Variants in GPC5 observed in about 807,000 individuals in gnomAD.
GPC5 encodes the protein glypican 5.
GPC5 carries 47 observed loss-of-function variants against 53.9 expected under a neutral mutation model. The observed-to-expected ratio is 0.87, with a 90% CI of 0.69 to 1.11. The LOEUF (loss-of-function observed/expected upper bound fraction) is 1.11, where lower values mean the gene tolerates loss of function less well. GPC5 is among the 50% of genes most tolerant of loss of function. GPC5 has a pLI of 0.00. For missense variants in GPC5, 748 were observed against 713.1 expected (o/e 1.05, Z -0.56); for synonymous variants, 286 against 263.3 (o/e 1.09, Z -0.84).
intron 7 of GPC5, among the ~76,000 whole-genome samples, chr13:92,206,161 T>A (rs1251136939): frequency 2.4e-4 from 10 of 42,540 alleles, no homozygotes; most frequent in East Asian, 7.7e-4. Flanking sequence ...TTTTATTTTT[T>A]TTTTTATTTT....
chr13:92,443,272 C>T (rs1208359522), intron 7 of GPC5, among the ~76,000 whole-genome samples: 1 of 152,194 alleles, frequency 6.6e-6, no homozygotes, highest in Non-Finnish European at 1.5e-5. Context: ...TCCATGAGGG[C>T]TCTGCCTGCA....
At chr13:91,891,619 C>A (rs1002991950) in intron 5 of GPC5, among the ~76,000 whole-genome samples, 2 of 151,986 alleles carry the variant, frequency 1.3e-5, no homozygotes, top group Admixed American at 1.3e-4. Flanking sequence ...TATGTTGTGC[C>A]AAATTGCTAT....
chr13:91,580,756 G>A (rs946012865), intron 2 of GPC5, among the ~76,000 whole-genome samples: 12 of 152,120 alleles, frequency 7.9e-5, no homozygotes, highest in African/African-American at 2.2e-4. Flanking sequence ...GTTGTTCTTC[G>A]AGTCAGAAGC....
chr13:91,714,604 G>A (rs2036295934), intron 3 of GPC5, among the ~76,000 whole-genome samples: 1 of 152,130 alleles, frequency 6.6e-6, no homozygotes, highest in African/African-American at 2.4e-5. Context: ...AAAAGTACAT[G>A]GACATGTGAA....
intron 7 of GPC5, among the ~76,000 whole-genome samples, chr13:92,698,543 C>T (rs1054199224): frequency 5.9e-5 from 9 of 152,160 alleles, no homozygotes; most frequent in African/African-American, 1.9e-4. Context: ...ATATGTGCCA[C>T]ATTTTCTTAA....
intron 7 of GPC5, among the ~76,000 whole-genome samples, chr13:92,632,546 A>G (rs1366553846): frequency 6.6e-6 from 1 of 150,710 alleles, no homozygotes; most frequent in African/African-American, 2.4e-5. Context: ...TGTATAGTTT[A>G]TATATTCCAA....
At chr13:92,715,847 A>G (rs1350552645) in intron 7 of GPC5, among the ~76,000 whole-genome samples, 1 of 152,186 alleles carries the variant, frequency 6.6e-6, no homozygotes, top group East Asian at 1.9e-4. Context: ...TTTTCTGTCT[A>G]TGTCTCCAGT....
At chr13:91,488,093 T>TA in intron 2 of GPC5, among the ~76,000 whole-genome samples, 1 of 152,276 alleles carries the variant, frequency 6.6e-6, no homozygotes, top group Middle Eastern at 3.4e-3. Context: ...CATATATGTA[T>TA]GACCCAGAGG....
rs144153718 is a variant in GPC5 at position 91,497,871 on chromosome 13, T to C, written c.325+48949T>C. 6.1e-4 allele frequency among the ~76,000 whole-genome samples: 93 copies of C among 152,276 alleles called. 1 individual carries two copies. The highest frequency in any genetic ancestry group is 2.0e-3 in the African/African-American group (83 of 41,562). On this transcript the variant is annotated intron_variant, in intron 2 of 7. Transcript: ENST00000377067. ...TGCATGAGATGTTTTGATACAGGCA[T>C]GCAAGGTGTGATAATCATATCATGG...
At chr13:91,963,862 C>T (rs778507200) in intron 6 of GPC5, among the ~76,000 whole-genome samples, 4 of 152,140 alleles carry the variant, frequency 2.6e-5, no homozygotes, top group Non-Finnish European at 5.9e-5. Flanking sequence ...TCATAGAACA[C>T]TTTCTTCGTA....
At chr13:92,304,931 T>C (rs1232158489) in intron 7 of GPC5, among the ~76,000 whole-genome samples, 1 of 152,148 alleles carries the variant, frequency 6.6e-6, no homozygotes, top group Non-Finnish European at 1.5e-5. Flanking sequence ...CCCCTAAAAG[T>C]GATGTGAAGT....
intron 2 of GPC5, among the ~76,000 whole-genome samples, chr13:91,567,347 C>T (rs1176198395): frequency 6.6e-6 from 1 of 152,034 alleles, no homozygotes; most frequent in African/African-American, 2.4e-5. Context: ...TTTAGATGTT[C>T]TCTACACTTA....
intron 7 of GPC5, among the ~76,000 whole-genome samples, chr13:92,771,577 T>C (rs1306488768): frequency 1.3e-5 from 2 of 152,082 alleles, no homozygotes; most frequent in Non-Finnish European, 2.9e-5. Context: ...ACTCCTGACC[T>C]CGTGATCCAC....
intron 7 of GPC5, among the ~76,000 whole-genome samples, chr13:92,587,596 T>C (rs187806697): frequency 9.8e-4 from 147 of 150,684 alleles, no homozygotes; most frequent in Middle Eastern, 3.5e-3. Flanking sequence ...TTTGAGAGAA[T>C]GGCTATGTAA....
At chr13:91,514,587 A>G (rs1163012379) in intron 2 of GPC5, among the ~76,000 whole-genome samples, 7 of 152,196 alleles carry the variant, frequency 4.6e-5, no homozygotes, top group African/African-American at 1.4e-4. Context: ...TAAAAACATC[A>G]ACAATTATAA....
At chr13:91,671,780 CA>C (rs55758033) in intron 2 of GPC5, among the ~76,000 whole-genome samples, 1,348 of 33,076 alleles carry the variant, frequency 0.041, 2 homozygotes, top group African/African-American at 0.079. Context: ...CAATCTGAAG[CA>C]AAAAAAAAAA....
At chr13:91,511,819 C>T (rs1344270827) in intron 2 of GPC5, among the ~76,000 whole-genome samples, 1 of 151,872 alleles carries the variant, frequency 6.6e-6, no homozygotes, top group African/African-American at 2.4e-5. Flanking sequence ...ATAATGTATA[C>T]ATCTTGGGCG....
chr13:92,196,057 C>T (rs1385233004), intron 7 of GPC5, among the ~76,000 whole-genome samples: 2 of 152,024 alleles, frequency 1.3e-5, no homozygotes, highest in Non-Finnish European at 2.9e-5. Context: ...AGTGGAAGCA[C>T]AGCGGAAAAC....
At chr13:91,754,202 A>G (rs755467528) in intron 4 of GPC5, among the ~76,000 whole-genome samples, 1 of 152,174 alleles carries the variant, frequency 6.6e-6, no homozygotes. Context: ...AGAAACTTAG[A>G]TAAAATGCTG....
Sources: allele counts gnomAD v4.1 joint callset (sites outside exome capture counted in the v4.1 genomes callset), GRCh38; gene constraint gnomAD v4.1.1; transcripts MANE v1.5; gene names NCBI Gene and HGNC (gene_info 2026-07-23, HGNC 2026-07-21).